The following CFAP206 variants were observed in gnomAD, a reference collection of about 807,000 sequenced individuals.
CFAP206 encodes the protein cilia- and flagella-associated protein 206.
A neutral mutation model predicts 65.4 loss-of-function variants in CFAP206; 53 were observed. The observed-to-expected ratio is 0.81, with a 90% CI of 0.65 to 1.02. The LOEUF is 1.02. CFAP206 is among the 50% of genes least tolerant of loss of function. The pLI is 0.00. For missense variants in CFAP206, 663 were observed against 753.2 expected (o/e 0.88, Z 1.40); for synonymous variants, 250 against 254.4 (o/e 0.98, Z 0.17).
rs1768103619 is a variant in CFAP206, at chr6:87,428,824, G to C, written c.1159G>C (p.Glu387Gln). 1 of 1,610,248 alleles carries C rather than the reference G, an allele frequency of 6.2e-7. No homozygotes were observed. Among genetic ancestry groups the C allele is most frequent in the Non-Finnish European group, 8.5e-7 (1 of 1,176,774 alleles). Reference protein sequence around the residue: ...TDVCRMKEHMEDRVNVADFRK... With the variant: ...TDVCRMKEHMQDRVNVADFRK... ...TGTGTGTAGAATGAAAGAACACATG[G>C]GTAATGAAAATCATCCATTATTTCC... Residue 387 changes from glutamate (E) to glutamine (Q), a missense_variant and splice_region_variant, in exon 9 of 13, where the codon GAA (glutamate) becomes CAA (glutamine). Glu to Gln is a conservative substitution (Grantham distance 29). Transcript: ENST00000369562.
chr6:87,440,311 T>G (rs1300398780), intron 11 of CFAP206, among the ~76,000 whole-genome samples: 1 of 152,222 alleles, frequency 6.6e-6, no homozygotes, highest in Non-Finnish European at 1.5e-5. Context: ...TGATTTTATA[T>G]TCAGCAACCT....
rs1417204905 is a variant in CFAP206, at chr6:87,464,152, C to T, written c.1771C>T (p.Pro591Ser). The change falls in exon 13 of 13, where the codon CCC (proline) becomes TCC (serine). Residue 591 changes from proline (P) to serine (S), a missense_variant. Coordinates refer to ENST00000369562, the MANE Select transcript of CFAP206 (RefSeq NM_001031743.3). ...QSMREDSTGV[P>S]RPQIYLAGLR... ...CATGAGGGAAGACAGCACTGGGGTG[C>T]CCAGGCCTCAGATTTACTTGGCTGG... The T allele has an allele frequency of 1.9e-6, 3 of 1,613,996 alleles. No homozygotes were observed. Among genetic ancestry groups the T allele is most frequent in the Non-Finnish European group, 2.5e-6 (3 of 1,179,992 alleles).
chr6:87,462,213 T>TGTCCATTTGTATATTCA (rs980246413), intron 12 of CFAP206, among the ~76,000 whole-genome samples: 20 of 152,346 alleles, frequency 1.3e-4, no homozygotes, highest in African/African-American at 4.8e-4. Context: ...GTCTAGCCTT[T>TGTCCATTTGTATATTCA]GTCCATTTGT....
At chr6:87,462,947 G>C (rs562082226) in intron 12 of CFAP206, among the ~76,000 whole-genome samples, 2 of 152,366 alleles carry the variant, frequency 1.3e-5, no homozygotes, top group South Asian at 4.1e-4. Context: ...TGCTTTGGCA[G>C]TGTCTCAGAA....
intron 1 of CFAP206, 105 bp from the exon 2 acceptor site, chr6:87,409,730 A>G: frequency 8.6e-6 from 6 of 696,302 alleles, no homozygotes; most frequent in South Asian, 6.9e-5. Context: ...CTAATAGATG[A>G]TATTATGACT....
At chr6:87,412,435 A>G (rs1337361821) in intron 3 of CFAP206, among the ~76,000 whole-genome samples, 1 of 152,044 alleles carries the variant, frequency 6.6e-6, no homozygotes, top group East Asian at 1.9e-4. Flanking sequence ...GCAGTGAAGG[A>G]AGTGGGGGAG....
chr6:87,460,532 A>C lies in CFAP206; in HGVS notation c.1495-490A>C, dbSNP rs1768728036. On this transcript the variant is annotated intron_variant, in intron 11 of 12. Coordinates refer to ENST00000369562, the MANE Select transcript of CFAP206 (RefSeq NM_001031743.3). ...CTTCCAAAATACATGTTCTACAGAA[A>C]ACCAAACACTGCATGTTATCATTTA... Among the ~76,000 whole-genome samples, 4 of 152,222 alleles carry C rather than the reference A, an allele frequency of 2.6e-5. No homozygotes were observed. The South Asian group carries it at 6.2e-4, about 24-fold the overall frequency.
At chr6:87,428,113 G>A (rs1346923531) in intron 8 of CFAP206, among the ~76,000 whole-genome samples, 6 of 149,452 alleles carry the variant, frequency 4.0e-5, no homozygotes, top group Admixed American at 6.8e-5. Context: ...TCAGCCTCCC[G>A]GGTAGCTGGG....
Position 87,463,191 on chromosome 6 carries a change from T to G in CFAP206, c.1639-829T>G, listed in dbSNP as rs1475960270. ...TACTACTGAAGAGTTGACACATCTC[T>G]CAGGTACTACTGAAATGAGCAATCA... On this transcript the variant is annotated intron_variant, in intron 12 of 12. Coordinates refer to ENST00000369562, the MANE Select transcript of CFAP206 (RefSeq NM_001031743.3). Among the ~76,000 whole-genome samples, 4 of 152,222 alleles carry G rather than the reference T, an allele frequency of 2.6e-5. No individual in the cohort carries two copies. In the East Asian group the frequency reaches 7.7e-4, roughly 29 times the overall value.
chr6:87,436,232 G>A (rs910615639), intron 11 of CFAP206, among the ~76,000 whole-genome samples: 1 of 151,634 alleles, frequency 6.6e-6, no homozygotes, highest in Non-Finnish European at 1.5e-5. Flanking sequence ...ACTATAGGCG[G>A]ACACCATCAC....
intron 11 of CFAP206, among the ~76,000 whole-genome samples, chr6:87,446,241 T>C (rs962784720): frequency 6.6e-6 from 1 of 152,188 alleles, no homozygotes; most frequent in Non-Finnish European, 1.5e-5. Context: ...CTTTTGTTGC[T>C]GTTGCTTTTG....
intron 11 of CFAP206, among the ~76,000 whole-genome samples, chr6:87,450,316 A>G (rs1192428496): frequency 6.6e-6 from 1 of 151,992 alleles, no homozygotes; most frequent in Non-Finnish European, 1.5e-5. Flanking sequence ...GCGGTTCCAT[A>G]TGAATTTTAG....
At chr6:87,453,485 T>C (rs1237921720) in intron 11 of CFAP206, among the ~76,000 whole-genome samples, 1 of 152,106 alleles carries the variant, frequency 6.6e-6, no homozygotes, top group Non-Finnish European at 1.5e-5. Flanking sequence ...GTAGGAAGAC[T>C]AAAAGAATAA....
At chr6:87,419,940 G>A (rs116792891) in intron 7 of CFAP206, among the ~76,000 whole-genome samples, 2,403 of 152,228 alleles carry the variant, frequency 0.016, 65 homozygotes, top group African/African-American at 0.054. Flanking sequence ...AGCCAAGCAT[G>A]GTGGTACTAA....
chr6:87,426,405 G>C (rs1401467397), intron 7 of CFAP206, 121 bp from the exon 8 acceptor site: 1 of 633,700 alleles, frequency 1.6e-6, no homozygotes, highest in African/African-American at 1.9e-5. Context: ...GCGGAGAACA[G>C]ACTTCCTGCT....
chr6:87,436,242 C>T (rs191532274), intron 11 of CFAP206, among the ~76,000 whole-genome samples: 4 of 151,928 alleles, frequency 2.6e-5, no homozygotes, highest in African/African-American at 7.2e-5. Context: ...GACACCATCA[C>T]GCCTGGCTAA....
chr6:87,428,693 T>G lies in CFAP206; in HGVS notation c.1028T>G (p.Leu343Arg). The G allele has an allele frequency of 3.7e-6, 6 of 1,614,196 alleles. No individual in the cohort carries two copies. Among genetic ancestry groups the G allele is most frequent in the Non-Finnish European group, 5.1e-6 (6 of 1,180,024 alleles). Reference sequence around the variant, plus strand: ...GACGAAACTATTGTGGTTGGTGTCCTCAGTAATTTATTCACTCACATTCAG... The same window carrying G: ...GACGAAACTATTGTGGTTGGTGTCCGCAGTAATTTATTCACTCACATTCAG... ...LQDETIVVGV[L>R]SNLFTHIQPF... is the part of the protein sequence containing the mutation. The change falls in exon 9 of 13, where the codon CTC becomes CGC. Residue 343 changes from leucine (L) to arginine (R), a missense_variant. Transcript: ENST00000369562.
At chr6:87,412,373 A>C (rs537750974) in intron 3 of CFAP206, among the ~76,000 whole-genome samples, 84 of 152,192 alleles carry the variant, frequency 5.5e-4, no homozygotes, top group African/African-American at 2.0e-3. Context: ...ATGGGTTGAG[A>C]GTGATGCTGC....
intron 10 of CFAP206, among the ~76,000 whole-genome samples, chr6:87,432,706 A>G (rs1001764120): frequency 6.6e-6 from 1 of 152,204 alleles, no homozygotes; most frequent in African/African-American, 2.4e-5. Flanking sequence ...GGAGGTCTGT[A>G]TGGTCCCTTC....
Sources: gnomAD v4.1 joint callset for allele counts (sites outside exome capture counted in the v4.1 genomes callset) on GRCh38, gnomAD v4.1.1 for gene constraint, MANE v1.5 for transcripts, NCBI Gene and HGNC (gene_info 2026-07-23, HGNC 2026-07-21) for gene names.